The following PELI2 variants were observed in gnomAD, a reference collection of about 807,000 sequenced individuals.
PELI2 encodes E3 ubiquitin-protein ligase pellino homolog 2.
A neutral mutation model predicts 42.3 loss-of-function variants in PELI2; 23 were observed. The ratio of observed to expected loss-of-function variants is 0.54; its 90% confidence interval spans 0.39 to 0.77. The LOEUF (loss-of-function observed/expected upper bound fraction) is 0.77. PELI2 is among the 30% of genes least tolerant of loss of function. PELI2 has a pLI of 0.00. For synonymous variants in PELI2, 245 were observed against 212.2 expected (o/e 1.15, Z -1.34); for missense variants, 463 against 553.2 (o/e 0.84, Z 1.64).
rs778422749 is a variant in PELI2, at chr14:56,296,979, C to G, written c.1076C>G (p.Ala359Gly). The change falls in exon 6 of 6, where the codon GCA (alanine) becomes GGA (glycine). Residue 359 changes from alanine to glycine, a missense_variant. Physicochemically the swap from Ala to Gly is moderately conservative, Grantham distance 60. Transcript: ENST00000267460. ...LGCEAGFYVD[A>G]GPPTHAFTPC... ...TGTGAGGCAGGATTTTATGTAGACG[C>G]AGGACCGCCAACTCATGCTTTCACT... The G allele has an allele frequency of 5.0e-6, 8 of 1,614,008 alleles. No homozygotes were observed. Among genetic ancestry groups the G allele is most frequent in the Non-Finnish European group, 6.8e-6 (8 of 1,180,034 alleles).
intron 3 of PELI2, among the ~76,000 whole-genome samples, chr14:56,287,251 C>T (rs1389706156): frequency 6.6e-6 from 1 of 152,206 alleles, no homozygotes; most frequent in Non-Finnish European, 1.5e-5. Context: ...AATAGAGGCT[C>T]AGGACAGGTT....
intron 2 of PELI2, among the ~76,000 whole-genome samples, chr14:56,227,522 T>G (rs1887400883): frequency 6.6e-6 from 1 of 152,082 alleles, no homozygotes; most frequent in South Asian, 2.1e-4. Flanking sequence ...TGAATTGGAG[T>G]TATTGGTATG....
chr14:56,205,435 C>T (rs961569900), intron 2 of PELI2, among the ~76,000 whole-genome samples: 1 of 152,038 alleles, frequency 6.6e-6, no homozygotes. Context: ...GAAAATTCAG[C>T]AGGGAAGAGT....
intron 2 of PELI2, among the ~76,000 whole-genome samples, chr14:56,231,986 T>C (rs1486973423): frequency 1.3e-5 from 2 of 152,122 alleles, no homozygotes; most frequent in Non-Finnish European, 2.9e-5. Flanking sequence ...AACACCTCTA[T>C]GCAAATAAAC....
At chr14:56,121,089 C>A (rs952450592) in intron 1 of PELI2, among the ~76,000 whole-genome samples, 1 of 152,048 alleles carries the variant, frequency 6.6e-6, no homozygotes, top group Non-Finnish European at 1.5e-5. Context: ...TTAATATCAT[C>A]TTTATGATAT....
intron 1 of PELI2, among the ~76,000 whole-genome samples, chr14:56,143,932 A>G (rs1485857472): frequency 6.6e-6 from 1 of 151,050 alleles, no homozygotes; most frequent in Non-Finnish European, 1.5e-5. Flanking sequence ...TGCTAATTGA[A>G]CTCATTGCTA....
chr14:56,163,253 A>G lies in PELI2; in HGVS notation c.78-15082A>G, dbSNP rs1280526544. ...TAATGCATTTTGATTTGATTTTTGT[A>G]TATGGTGAGAGATAGTGGTCTAGTT... On this transcript the variant is annotated intron_variant, in intron 1 of 5. Transcript: ENST00000267460. 2.6e-5 allele frequency among the ~76,000 whole-genome samples: 4 copies of G among 152,224 alleles called. No homozygotes were observed. The East Asian group carries it at 7.7e-4, about 29-fold the overall frequency.
At chr14:56,171,045 A>C (rs1159404384) in intron 1 of PELI2, among the ~76,000 whole-genome samples, 1 of 152,148 alleles carries the variant, frequency 6.6e-6, no homozygotes, top group Non-Finnish European at 1.5e-5. Context: ...GAACGTTCTG[A>C]CCTTCTTTCA....
chr14:56,127,988 A>G (rs1203854055), intron 1 of PELI2, among the ~76,000 whole-genome samples: 1 of 152,134 alleles, frequency 6.6e-6, no homozygotes, highest in Non-Finnish European at 1.5e-5. Flanking sequence ...GTATGTATAT[A>G]TTTTATTGCA....
chr14:56,166,050 TCTTC>T (rs1884949334), intron 1 of PELI2, among the ~76,000 whole-genome samples: 2 of 152,206 alleles, frequency 1.3e-5, no homozygotes, highest in African/African-American at 4.8e-5. Context: ...CATGGTCTTC[TCTTC>T]CTTCTTTTCT....
At chr14:56,235,573 G>C (rs8181972) in intron 2 of PELI2, among the ~76,000 whole-genome samples, 57,929 of 152,212 alleles carry the variant, frequency 0.38, 12,352 homozygotes, top group South Asian at 0.53. Flanking sequence ...GTGCTGCTGT[G>C]GTCACCTGTA....
intron 1 of PELI2, among the ~76,000 whole-genome samples, chr14:56,162,016 A>G (rs1279774284): frequency 6.6e-6 from 1 of 152,130 alleles, no homozygotes; most frequent in South Asian, 2.1e-4. Flanking sequence ...GTAGGTGTAT[A>G]TATTTAGGGG....
In PELI2 at chr14:56,180,467, TTAGA is replaced by T. The variant is rs1594615202; in HGVS notation, c.207+2007_207+2010del. 6.6e-6 allele frequency among the ~76,000 whole-genome samples: 1 copy of T among 152,116 alleles called. No individual in the cohort carries two copies. Among genetic ancestry groups the T allele is most frequent in the East Asian group, 1.9e-4 (1 of 5,190 alleles). Reference sequence around the variant, plus strand: ...GCACATGGATATTTTTTCAAGAGTGTTAGATAGTGACTTTCCTCCAACCAACTTC... The same window carrying T: ...GCACATGGATATTTTTTCAAGAGTGTTAGTGACTTTCCTCCAACCAACTTC... On this transcript the variant is annotated intron_variant, in intron 2 of 5. Coordinates refer to ENST00000267460, the MANE Select transcript of PELI2 (RefSeq NM_021255.3). This position sits in a 1 kb window ranked among gnomAD's most constrained non-coding sequence, Gnocchi z 4.4.
intron 2 of PELI2, among the ~76,000 whole-genome samples, chr14:56,258,580 T>TAAA (rs34178504): frequency 6.9e-6 from 1 of 144,644 alleles, no homozygotes; most frequent in East Asian, 2.0e-4. Flanking sequence ...ATGTCTGAAA[T>TAAA]AAAAAAAAAA....
At chr14:56,286,356 A>G (rs1029998696) in intron 3 of PELI2, among the ~76,000 whole-genome samples, 2 of 152,096 alleles carry the variant, frequency 1.3e-5, no homozygotes, top group Admixed American at 1.3e-4. Context: ...AGATGGGAGG[A>G]ATTGGTTGAG....
intron 1 of PELI2, among the ~76,000 whole-genome samples, chr14:56,162,243 G>A (rs186347394): frequency 3.1e-3 from 471 of 151,234 alleles, no homozygotes; most frequent in African/African-American, 0.01. Context: ...TTAAATACCC[G>A]TTAACCATCC....
At position 56,242,794 on chromosome 14, in the gene PELI2, C is replaced by G. The variant is rs542715886; in HGVS notation, c.208-36882C>G. On this transcript the variant is annotated intron_variant, in intron 2 of 5. Coordinates refer to ENST00000267460, the MANE Select transcript of PELI2 (RefSeq NM_021255.3). ...GTATGTTCTCAGTTGTAAGTGGGAG[C>G]TAAACTATGAGGACCCAAATGCATA... Among the ~76,000 whole-genome samples, 4 of 152,224 alleles carry G rather than the reference C, an allele frequency of 2.6e-5. No homozygotes were observed. The South Asian group carries it at 6.2e-4, about 24-fold the overall frequency.
intron 1 of PELI2, among the ~76,000 whole-genome samples, chr14:56,140,114 G>A (rs1032821554): frequency 2.6e-5 from 4 of 151,798 alleles, no homozygotes; most frequent in Non-Finnish European, 4.4e-5. Context: ...TAAATCACCC[G>A]TCATGCCTCA....
intron 2 of PELI2, among the ~76,000 whole-genome samples, chr14:56,246,660 C>T (rs1328556199): frequency 1.3e-5 from 2 of 150,974 alleles, no homozygotes; most frequent in Non-Finnish European, 2.9e-5. Context: ...CATGGTTATG[C>T]ATTACTTTAT....
Sources: gnomAD v4.1 joint callset for allele counts (sites outside exome capture counted in the v4.1 genomes callset) on GRCh38, gnomAD v4.1.1 for gene constraint, Gnocchi (gnomAD v3.1) non-coding constraint, MANE v1.5 for transcripts, NCBI Gene and HGNC (gene_info 2026-07-23, HGNC 2026-07-21) for gene names.